FNTA: variants seen among roughly 807,000 people sequenced by gnomAD.
The protein encoded by FNTA is protein farnesyltransferase/geranylgeranyltransferase type-1 subunit alpha.
FNTA carries 27 observed loss-of-function variants against 55.2 expected under a neutral mutation model. The ratio of observed to expected loss-of-function variants is 0.49; its 90% confidence interval spans 0.36 to 0.67. The LOEUF is 0.67. Ranked by LOEUF, FNTA falls within the 30% of genes least tolerant of loss-of-function variation. The pLI is 0.00. For missense variants in FNTA, 422 were observed against 464.7 expected, an observed-to-expected ratio of 0.91 and a Z score of 0.85; for synonymous variants, 176 against 170.7, an observed-to-expected ratio of 1.03 and a Z score of -0.24.
chr8:43,063,501 A>G (rs1810584419), intron 2 of FNTA, among the ~76,000 whole-genome samples: 1 of 151,584 alleles, frequency 6.6e-6, no homozygotes, highest in Non-Finnish European at 1.5e-5. Flanking sequence ...ACTAGTTTAC[A>G]CTATCTTTAA....
chr8:43,077,527 A>G, intron 6 of FNTA, 163 bp downstream of exon 6: 2 of 420,100 alleles, frequency 4.8e-6, no homozygotes, highest in Non-Finnish European at 8.4e-6. Context: ...ATAATGTAGC[A>G]TACTTCTACT....
chr8:43,072,556 G>A (rs1297180001), intron 5 of FNTA, among the ~76,000 whole-genome samples: 1 of 151,746 alleles, frequency 6.6e-6, no homozygotes, highest in Non-Finnish European at 1.5e-5. Flanking sequence ...TGAGACCCCC[G>A]TCTCTACAAA....
At chr8:43,084,600 T>C in intron 7 of FNTA, 110 bp from the exon 8 acceptor site, 3 of 781,380 alleles carry the variant, frequency 3.8e-6, no homozygotes, top group East Asian at 2.6e-5. Flanking sequence ...TCATTCAAAA[T>C]AACTCTCCTT....
rs1172789704 is a variant in FNTA, at chr8:43,059,095, CAG to C, written c.207_208del (p.Arg69SerfsTer5). On this transcript the variant is annotated frameshift_variant, in exon 2 of 9. Transcript: ENST00000302279. LOFTEE classifies it high-confidence loss of function. ...DSPSYVLYRD[R>X]AEWADIDPVP... is the part of the protein sequence containing the mutation. ...GTTGGGGAATGTCTGTTTTCAGGGACAGAGCAGAATGGGCTGATATAGATCCG... is the reference window on the plus strand; with the variant it reads ...GTTGGGGAATGTCTGTTTTCAGGGACAGCAGAATGGGCTGATATAGATCCG... 6.2e-7 allele frequency: 1 copy of C among 1,612,314 alleles called. No homozygotes were observed. Among genetic ancestry groups the C allele is most frequent in the Non-Finnish European group, 8.5e-7 (1 of 1,179,120 alleles).
chr8:43,071,852 C>T (rs892305207), intron 4 of FNTA, among the ~76,000 whole-genome samples: 8 of 152,030 alleles, frequency 5.3e-5, no homozygotes, highest in East Asian at 3.9e-4. Flanking sequence ...AATTGACAGG[C>T]GTGTGTTAAG....
chr8:43,082,165 T>G (rs1322390370), intron 6 of FNTA: 2 of 152,228 alleles, frequency 1.3e-5, no homozygotes, highest in Non-Finnish European at 2.9e-5. Flanking sequence ...TGAGCAATTA[T>G]GTGGTAAAGC....
At chr8:43,063,859 A>G (rs943016899) in intron 2 of FNTA, among the ~76,000 whole-genome samples, 3 of 152,246 alleles carry the variant, frequency 2.0e-5, no homozygotes, top group African/African-American at 4.8e-5. Context: ...GGAATCTGGC[A>G]TGAACTCATG....
intron 6 of FNTA, chr8:43,080,725 A>G (rs151050827): frequency 6.6e-6 from 1 of 152,372 alleles, no homozygotes; most frequent in African/African-American, 2.4e-5. Context: ...CAGTACGTAC[A>G]TGTGGCTAGT....
rs1810809483 is a variant in FNTA, at chr8:43,072,246, ATATTCT to A, written c.575_580del (p.Ile192_Leu193del). 6.3e-7 allele frequency: 1 copy of A among 1,591,686 alleles called. No homozygotes were observed. Among genetic ancestry groups the A allele is most frequent in the Non-Finnish European group, 8.6e-7 (1 of 1,168,228 alleles). The stretch of plus-strand genomic sequence containing the variant: ...TCTCAGGAGCTTGAATTTATTGCTG[ATATTCT>A]TAATCAGGATGCAAAGAATTATCAT... On this transcript the variant is annotated inframe_deletion, in exon 5 of 9. Transcript: ENST00000302279.
intron 5 of FNTA, among the ~76,000 whole-genome samples, chr8:43,075,614 A>G (rs1263994864): frequency 6.6e-6 from 1 of 152,034 alleles, no homozygotes; most frequent in East Asian, 1.9e-4. Flanking sequence ...TCAGGAGTTC[A>G]AGACCAGCCT....
Position 43,076,659 on chromosome 8 carries a change from C to T in FNTA, c.634-557C>T, listed in dbSNP as rs1472893422. The T allele has an allele frequency of 2.0e-5, 3 of 152,146 alleles. No homozygotes were observed. In the East Asian group the frequency reaches 5.8e-4, roughly 29 times the overall value. The allele number at this position is 152,146 out of a possible 1,614,324, so 9.4% of individuals were successfully genotyped here. On this transcript the variant is annotated intron_variant, in intron 5 of 8. Transcript: ENST00000302279. The stretch of plus-strand genomic sequence containing the variant: ...TTAGGAGCCCGAGGTGGGCGGATCA[C>T]CTGAGGTTGGGAGTTCAAGACCAGC...
At chr8:43,084,280 C>T (rs1811083281) in intron 7 of FNTA, among the ~76,000 whole-genome samples, 1 of 145,222 alleles carries the variant, frequency 6.9e-6, no homozygotes, top group Non-Finnish European at 1.5e-5. Context: ...AGGGCAGTGG[C>T]ATGATCGTGG....
chr8:43,079,789 C>G (rs1428581790), intron 6 of FNTA: 2 of 152,300 alleles, frequency 1.3e-5, no homozygotes, highest in Non-Finnish European at 2.9e-5. Flanking sequence ...ATTTACCATT[C>G]TAGGTGCTAT....
rs891971162 is a variant in FNTA at position 43,073,139 on chromosome 8, G to A, written c.633+832G>A. Among the ~76,000 whole-genome samples the A allele has an allele frequency of 3.3e-5, 5 of 152,150 alleles. No individual in the cohort carries two copies. In the East Asian group the frequency reaches 9.7e-4, roughly 29 times the overall value. On this transcript the variant is annotated intron_variant, in intron 5 of 8. Coordinates refer to ENST00000302279, the MANE Select transcript of FNTA (RefSeq NM_002027.3). ...TTCTGCACTATTCATTAGACCAAGA[G>A]CATTTCACCAAATACTTAAAACTTA...
intron 8 of FNTA, 90 bp downstream of exon 8, chr8:43,084,971 GT>G: frequency 7.3e-7 from 1 of 1,362,222 alleles, no homozygotes; most frequent in South Asian, 1.2e-5. Flanking sequence ...TTTCAACATC[GT>G]TCCTCAGAAT....
intron 4 of FNTA, among the ~76,000 whole-genome samples, chr8:43,069,921 G>A (rs1239024368): frequency 6.6e-6 from 1 of 152,098 alleles, no homozygotes; most frequent in Non-Finnish European, 1.5e-5. Flanking sequence ...AGGGATTACA[G>A]GTATGAGCCA....
chr8:43,069,920 A>G (rs1810748796), intron 4 of FNTA, among the ~76,000 whole-genome samples: 1 of 151,972 alleles, frequency 6.6e-6, no homozygotes, highest in African/African-American at 2.4e-5. Context: ...CAGGGATTAC[A>G]GGTATGAGCC....
intron 2 of FNTA, chr8:43,063,422 C>T (rs1429934817): frequency 2.5e-6 from 1 of 399,878 alleles, no homozygotes; most frequent in African/African-American, 2.1e-5. Context: ...TGTGAGAGAA[C>T]TTTCTAGAGC....
chr8:43,059,294 T>A (rs984294372), intron 2 of FNTA, 117 bp downstream of exon 2: 2 of 660,150 alleles, frequency 3.0e-6, no homozygotes, highest in East Asian at 5.8e-5. Flanking sequence ...TCTGAATGAC[T>A]TAAGATGAGT....
Sources: gnomAD v4.1 joint callset for allele counts (sites outside exome capture counted in the v4.1 genomes callset) on GRCh38, gnomAD v4.1.1 for gene constraint, MANE v1.5 for transcripts, NCBI Gene and HGNC (gene_info 2026-07-23, HGNC 2026-07-21) for gene names.